Variants in FHIT observed in about 807,000 individuals in gnomAD.
The protein encoded by FHIT is bis(5'-adenosyl)-triphosphatase.
A neutral mutation model predicts 17.9 loss-of-function variants in FHIT; 19 were observed. The observed-to-expected ratio is 1.06, with a 90% CI of 0.74 to 1.56. The LOEUF is 1.56. FHIT is among the 40% of genes most tolerant of loss of function. The pLI is 0.00. For missense variants in FHIT, 248 were observed against 189.2 expected (o/e 1.31, Z -1.82); for synonymous variants, 81 against 69.7 (o/e 1.16, Z -0.81).
chr3:59,849,330 G>A (rs1055508606), intron 8 of FHIT, among the ~76,000 whole-genome samples: 2 of 152,082 alleles, frequency 1.3e-5, no homozygotes, highest in African/African-American at 4.8e-5. Flanking sequence ...CTGAGATCAT[G>A]CTACTGCGCT....
At chr3:60,124,312 C>T (rs569378143) in intron 5 of FHIT, among the ~76,000 whole-genome samples, 11 of 151,808 alleles carry the variant, frequency 7.2e-5, no homozygotes, top group Non-Finnish European at 1.5e-4. Flanking sequence ...AGCAATTATG[C>T]TCAGAAAGGC....
intron 3 of FHIT, among the ~76,000 whole-genome samples, chr3:60,822,704 T>A (rs781883545): frequency 6.6e-6 from 1 of 152,054 alleles, no homozygotes; most frequent in African/African-American, 2.4e-5. Flanking sequence ...TAAATGAGAA[T>A]AAAGTACCAA....
intron 3 of FHIT, among the ~76,000 whole-genome samples, chr3:61,030,696 A>G (rs1195660045): frequency 2.6e-5 from 4 of 152,226 alleles, no homozygotes; most frequent in Non-Finnish European, 4.4e-5. Context: ...GACAAAAATT[A>G]AAAAACAAAG....
At chr3:61,063,314 C>T (rs1482586378) in intron 2 of FHIT, among the ~76,000 whole-genome samples, 4 of 151,122 alleles carry the variant, frequency 2.6e-5, no homozygotes, top group Admixed American at 6.6e-5. Context: ...TCAACCACAT[C>T]GGGTAGGTTC....
rs1700687408 is a variant in FHIT, at chr3:59,747,799, G to A, written c.*1786C>T. Among the ~76,000 whole-genome samples the A allele has an allele frequency of 6.6e-6, 1 of 152,002 alleles. No individual in the cohort carries two copies. Among genetic ancestry groups the A allele is most frequent in the Non-Finnish European group, 1.5e-5 (1 of 67,988 alleles). On this transcript the variant is annotated 3_prime_UTR_variant, in exon 10 of 10. Transcript: ENST00000492590. Reference sequence around the variant, plus strand: ...TCTTGATATGCCTGCAGGGGTTGGGGGGAGGTGGGTGGGTGGAAAGGAGTA... The same window carrying A: ...TCTTGATATGCCTGCAGGGGTTGGGAGGAGGTGGGTGGGTGGAAAGGAGTA...
At chr3:61,176,381 A>G (rs1298095409) in intron 2 of FHIT, among the ~76,000 whole-genome samples, 3 of 152,230 alleles carry the variant, frequency 2.0e-5, no homozygotes, top group Non-Finnish European at 4.4e-5. Context: ...GCTGTGTGAG[A>G]CACACAAAAA....
At chr3:60,204,255 G>A (rs773666765) in intron 5 of FHIT, among the ~76,000 whole-genome samples, 1 of 151,788 alleles carries the variant, frequency 6.6e-6, no homozygotes, top group African/African-American at 2.4e-5. Flanking sequence ...CAAATATATG[G>A]AGAGGTATTT....
chr3:59,976,643 C>A (rs868664559), intron 7 of FHIT, among the ~76,000 whole-genome samples: 1 of 152,202 alleles, frequency 6.6e-6, no homozygotes, highest in African/African-American at 2.4e-5. Context: ...CCACAACCAA[C>A]CACCACATTT....
intron 4 of FHIT, among the ~76,000 whole-genome samples, chr3:60,770,847 A>G (rs1044581384): frequency 1.3e-5 from 2 of 152,202 alleles, no homozygotes; most frequent in African/African-American, 4.8e-5. Flanking sequence ...CAAATGCCCC[A>G]TATCCTTTAA....
intron 3 of FHIT, among the ~76,000 whole-genome samples, chr3:60,927,596 G>A (rs11714964): frequency 0.6 from 89,649 of 150,334 alleles, 26,840 homozygotes; most frequent in East Asian, 0.71. Flanking sequence ...CTGCCCGGCC[G>A]CCCCGTCTGG....
chr3:61,035,884 C>T (rs2033213816), intron 3 of FHIT, among the ~76,000 whole-genome samples: 1 of 152,124 alleles, frequency 6.6e-6, no homozygotes, highest in Non-Finnish European at 1.5e-5. Flanking sequence ...ATGCATATTC[C>T]AATAGATAAA....
At chr3:60,391,416 A>C (rs1701228036) in intron 5 of FHIT, among the ~76,000 whole-genome samples, 1 of 152,194 alleles carries the variant, frequency 6.6e-6, no homozygotes, top group African/African-American at 2.4e-5. Flanking sequence ...AGCATAGCCT[A>C]AGTGTATCAT....
intron 2 of FHIT, among the ~76,000 whole-genome samples, chr3:61,193,832 C>T (rs2038781935): frequency 6.6e-6 from 1 of 152,154 alleles, no homozygotes; most frequent in Non-Finnish European, 1.5e-5. Context: ...TCACAGCCAA[C>T]ATTCCTATAA....
chr3:60,954,079 C>A (rs1239239541), intron 3 of FHIT, among the ~76,000 whole-genome samples: 1 of 152,164 alleles, frequency 6.6e-6, no homozygotes, highest in Non-Finnish European at 1.5e-5. Flanking sequence ...TTAAGTCTCA[C>A]CACTGCCATC....
chr3:60,371,793 A>C (rs1180826395), intron 5 of FHIT, among the ~76,000 whole-genome samples: 11 of 151,922 alleles, frequency 7.2e-5, no homozygotes, highest in African/African-American at 2.7e-4. Context: ...AGAGAGAGCA[A>C]TGATTGATTA....
chr3:59,799,274 G>C (rs1699900675), intron 8 of FHIT, among the ~76,000 whole-genome samples: 2 of 152,164 alleles, frequency 1.3e-5, no homozygotes, highest in South Asian at 4.1e-4. Flanking sequence ...AAAAATGAAA[G>C]ACTTTGTTTG....
At chr3:60,721,405 C>G (rs1423823481) in intron 4 of FHIT, among the ~76,000 whole-genome samples, 1 of 152,132 alleles carries the variant, frequency 6.6e-6, no homozygotes, top group Non-Finnish European at 1.5e-5. Flanking sequence ...GTTTCACACA[C>G]ACACACATAC....
At chr3:60,447,138 C>A (rs962030411) in intron 5 of FHIT, among the ~76,000 whole-genome samples, 4 of 151,972 alleles carry the variant, frequency 2.6e-5, no homozygotes, top group Non-Finnish European at 5.9e-5. Context: ...TGTGGACTCC[C>A]GGCTCAGCAC....
chr3:60,197,043 C>A (rs1003759419), intron 5 of FHIT, among the ~76,000 whole-genome samples: 1 of 152,160 alleles, frequency 6.6e-6, no homozygotes, highest in South Asian at 2.1e-4. Context: ...AAAAGAACTG[C>A]TTTTCAAGTC....
Sources: gnomAD v4.1 joint callset for allele counts (sites outside exome capture counted in the v4.1 genomes callset) on GRCh38, gnomAD v4.1.1 for gene constraint, MANE v1.5 for transcripts, NCBI Gene and HGNC (gene_info 2026-07-23, HGNC 2026-07-21) for gene names.